PLCB4: variants seen among roughly 807,000 people sequenced by gnomAD.
PLCB4 encodes the protein phospholipase C beta 4.
PLCB4 carries 77 observed loss-of-function variants against 178.8 expected under a neutral mutation model. That is an observed-to-expected ratio of 0.43 (90% CI 0.36 to 0.52). The LOEUF (loss-of-function observed/expected upper bound fraction) is 0.52, where lower values mean the gene tolerates loss of function less well. Ranked by LOEUF, PLCB4 falls within the 20% of genes least tolerant of loss-of-function variation. The probability of loss-of-function intolerance (pLI) is 0.00; values close to 1 mark genes in which losing one functional copy is unlikely to be tolerated. For synonymous variants in PLCB4, 496 were observed against 490.8 expected, an observed-to-expected ratio of 1.01 and a Z score of -0.14; for missense variants, 1,024 against 1,453.4, an observed-to-expected ratio of 0.70 and a Z score of 4.80.
intron 25 of PLCB4, among the ~76,000 whole-genome samples, chr20:9,412,139 T>C (rs1231428918): frequency 6.6e-6 from 1 of 152,204 alleles, no homozygotes; most frequent in Non-Finnish European, 1.5e-5. Context: ...AGAAAATAAA[T>C]TGTGTAGCTG....
intron 2 of PLCB4, among the ~76,000 whole-genome samples, chr20:9,136,249 T>C (rs1018564717): frequency 3.3e-5 from 5 of 152,090 alleles, no homozygotes; most frequent in African/African-American, 4.8e-5. Flanking sequence ...AGTCAAGGAT[T>C]GGAGTGCAAG....
chr20:9,191,111 CATTTT>C (rs745474964), intron 2 of PLCB4, among the ~76,000 whole-genome samples: 1 of 152,120 alleles, frequency 6.6e-6, no homozygotes, highest in Non-Finnish European at 1.5e-5. Context: ...GTTTCTTTTG[CATTTT>C]ATAGCAGGAT....
chr20:9,343,928 A>G (rs1318334396), intron 7 of PLCB4, among the ~76,000 whole-genome samples: 2 of 152,228 alleles, frequency 1.3e-5, no homozygotes, highest in Non-Finnish European at 2.9e-5. Context: ...TCATCACGAC[A>G]CAGTGGCCCA....
chr20:9,347,538 C>A (rs978981228), intron 7 of PLCB4, among the ~76,000 whole-genome samples: 4 of 152,306 alleles, frequency 2.6e-5, no homozygotes, highest in Admixed American at 2.0e-4. Flanking sequence ...TTTATTTCTT[C>A]ATTCAGCTAT....
intron 2 of PLCB4, among the ~76,000 whole-genome samples, chr20:9,135,345 A>G (rs1343368010): frequency 6.6e-6 from 1 of 152,082 alleles, no homozygotes; most frequent in Admixed American, 6.6e-5. Context: ...AAAAACAACT[A>G]AGGCTCAGAG....
intron 34 of PLCB4, among the ~76,000 whole-genome samples, chr20:9,458,232 C>G (rs1715564137): frequency 6.6e-6 from 1 of 152,108 alleles, no homozygotes; most frequent in East Asian, 1.9e-4. Flanking sequence ...ATGGAGCAGG[C>G]AAGATGTTCA....
chr20:9,241,490 A>G (rs1292788360), intron 3 of PLCB4, among the ~76,000 whole-genome samples: 1 of 152,216 alleles, frequency 6.6e-6, no homozygotes, highest in Non-Finnish European at 1.5e-5. Flanking sequence ...TTGGCAAAGC[A>G]TAAAAGAAAA....
chr20:9,290,739 C>A (rs747146805), intron 3 of PLCB4, among the ~76,000 whole-genome samples: 1 of 151,986 alleles, frequency 6.6e-6, no homozygotes, highest in Non-Finnish European at 1.5e-5. Flanking sequence ...ATGTGGCTTT[C>A]ATTTTTTCAT....
chr20:9,287,091 A>G (rs1044890956), intron 3 of PLCB4, among the ~76,000 whole-genome samples: 8 of 152,030 alleles, frequency 5.3e-5, no homozygotes, highest in African/African-American at 1.7e-4. Context: ...AACAATGTAC[A>G]TTTTATTTTA....
At chr20:9,363,064 C>T (rs753036570) in intron 8 of PLCB4, 89 bp downstream of exon 8, 98 of 901,784 alleles carry the variant, frequency 1.1e-4, no homozygotes, top group Non-Finnish European at 1.7e-4. Flanking sequence ...TTCCTTCCTC[C>T]AAATTCCTGC....
At chr20:9,264,182 A>T (rs1183909856) in intron 3 of PLCB4, among the ~76,000 whole-genome samples, 1 of 152,178 alleles carries the variant, frequency 6.6e-6, no homozygotes, top group Non-Finnish European at 1.5e-5. Flanking sequence ...CATGCCATTA[A>T]TATTTCGGAC....
intron 2 of PLCB4, among the ~76,000 whole-genome samples, chr20:9,152,377 G>A (rs531895747): frequency 5.3e-5 from 8 of 152,246 alleles, no homozygotes; most frequent in South Asian, 2.1e-4. Flanking sequence ...TTCATGGGCC[G>A]GGCCCAGTGT....
At chr20:9,447,296 T>A (rs1384213057) in intron 32 of PLCB4, among the ~76,000 whole-genome samples, 1 of 152,216 alleles carries the variant, frequency 6.6e-6, no homozygotes. Flanking sequence ...TGGATGGTTC[T>A]TCTGGTCTCA....
intron 3 of PLCB4, among the ~76,000 whole-genome samples, chr20:9,234,711 T>C (rs893556465): frequency 4.6e-5 from 7 of 152,162 alleles, no homozygotes; most frequent in Non-Finnish European, 1.0e-4. Flanking sequence ...GGTAAGGAAC[T>C]GAAATTTTCA....
intron 12 of PLCB4, among the ~76,000 whole-genome samples, chr20:9,378,963 C>T (rs922026212): frequency 3.3e-5 from 5 of 152,074 alleles, no homozygotes; most frequent in Admixed American, 3.3e-4. Flanking sequence ...TTTTAAATAC[C>T]TTTCCAACAA....
At chr20:9,350,569 T>C (rs1040914756) in intron 7 of PLCB4, among the ~76,000 whole-genome samples, 3 of 152,110 alleles carry the variant, frequency 2.0e-5, no homozygotes, top group African/African-American at 7.2e-5. Context: ...TTTCTCTTTT[T>C]TTTTCTGAGG....
chr20:9,131,864 A>G (rs937926723), intron 2 of PLCB4, among the ~76,000 whole-genome samples: 2 of 152,160 alleles, frequency 1.3e-5, no homozygotes, highest in Non-Finnish European at 2.9e-5. Context: ...TTTTCTTGGA[A>G]TGCTGCTTCT....
intron 14 of PLCB4, among the ~76,000 whole-genome samples, chr20:9,386,085 T>G (rs1036746095): frequency 2.2e-4 from 34 of 152,078 alleles, no homozygotes; most frequent in Admixed American, 7.2e-4. Context: ...ATACCCCATC[T>G]CCTCCAAAAA....
chr20:9,460,327 T>A (rs1350328121), intron 35 of PLCB4, among the ~76,000 whole-genome samples: 4 of 152,190 alleles, frequency 2.6e-5, no homozygotes, highest in Admixed American at 6.5e-5. Flanking sequence ...ATCTGGAGTC[T>A]CTTAGGTAGA....
Sources: allele counts gnomAD v4.1 joint callset (sites outside exome capture counted in the v4.1 genomes callset), GRCh38; gene constraint gnomAD v4.1.1; transcripts MANE v1.5; gene names NCBI Gene and HGNC (gene_info 2026-07-23, HGNC 2026-07-21).